RBFOX2: variants seen among roughly 807,000 people sequenced by gnomAD.
RBFOX2 encodes RNA binding fox-1 homolog 2, also known as RNA binding protein fox-1 homolog 2.
Under a neutral mutation model 49.1 loss-of-function variants are expected in RBFOX2, and 10 were observed. The ratio of observed to expected loss-of-function variants is 0.20; its 90% CI spans 0.13 to 0.35. The LOEUF (loss-of-function observed/expected upper bound fraction) is 0.35. Ranked by LOEUF, RBFOX2 falls within the 10% of genes least tolerant of loss-of-function variation. The pLI is 1.00. For synonymous variants in RBFOX2, 183 were observed against 187.4 expected (o/e 0.98, Z 0.19); for missense variants, 323 against 486.9 (o/e 0.66, Z 3.17).
At chr22:35,890,590 C>A (rs1415369580) in intron 1 of RBFOX2, among the ~76,000 whole-genome samples, 1 of 152,130 alleles carries the variant, frequency 6.6e-6, no homozygotes, top group Non-Finnish European at 1.5e-5. Flanking sequence ...CTGGAAACCA[C>A]TGAACAAATA....
At chr22:35,814,710 C>CAAAAAA (rs55971445) in intron 1 of RBFOX2, among the ~76,000 whole-genome samples, 72 of 30,800 alleles carry the variant, frequency 2.3e-3, no homozygotes, top group African/African-American at 5.3e-3. Context: ...AACCCTGTCT[C>CAAAAAA]AAAAAAAAAA....
upstream of RBFOX2, among the ~76,000 whole-genome samples, chr22:35,965,935 T>A (rs1047169280): frequency 1.3e-5 from 2 of 152,100 alleles, no homozygotes; most frequent in Non-Finnish European, 2.9e-5. Flanking sequence ...CATAACTCAA[T>A]GAATTTTCAC....
chr22:35,821,328 G>A (rs1429879574), intron 1 of RBFOX2, among the ~76,000 whole-genome samples: 2 of 152,054 alleles, frequency 1.3e-5, no homozygotes, highest in African/African-American at 2.4e-5. Context: ...CTGGCCAGGC[G>A]TGTTGGCTCA....
chr22:35,903,717 C>T (rs2048831597), intron 1 of RBFOX2, among the ~76,000 whole-genome samples: 1 of 152,164 alleles, frequency 6.6e-6, no homozygotes, highest in Non-Finnish European at 1.5e-5. Context: ...CCCCTCATCC[C>T]TCACATCCAA....
intron 2 of RBFOX2, among the ~76,000 whole-genome samples, chr22:35,796,916 A>G (rs1346602887): frequency 2.0e-5 from 3 of 152,204 alleles, no homozygotes; most frequent in Non-Finnish European, 2.9e-5. Flanking sequence ...CTTACATTTT[A>G]CCAATGGAAA....
chr22:35,750,397 A>G, intron 9 of RBFOX2: 1 of 1,530,582 alleles, frequency 6.5e-7, no homozygotes, highest in Non-Finnish European at 9.0e-7. Flanking sequence ...AAAATTAAAA[A>G]GGACATATGT....
intron 2 of RBFOX2, among the ~76,000 whole-genome samples, chr22:35,791,415 G>C (rs989745640): frequency 2.6e-5 from 4 of 151,514 alleles, no homozygotes; most frequent in African/African-American, 9.7e-5. Flanking sequence ...AAATATTTTA[G>C]GATGTCAGGT....
At chr22:35,982,589 G>A (rs1368008298) in intron 1 of RBFOX2, among the ~76,000 whole-genome samples, 2 of 152,126 alleles carry the variant, frequency 1.3e-5, no homozygotes, top group Non-Finnish European at 2.9e-5. Context: ...AGAATGAACA[G>A]GGAAGTGGGT....
At chr22:36,010,628 A>G (rs1002179515) in intron 1 of RBFOX2, among the ~76,000 whole-genome samples, 1 of 152,064 alleles carries the variant, frequency 6.6e-6, no homozygotes, top group Non-Finnish European at 1.5e-5. Context: ...ATTTTATTTC[A>G]TATCTTTAAA....
chr22:35,810,244 G>A (rs1569213787), intron 1 of RBFOX2, among the ~76,000 whole-genome samples: 4 of 149,150 alleles, frequency 2.7e-5, no homozygotes, highest in South Asian at 2.1e-4. Flanking sequence ...TTAATGTGTA[G>A]TTACTAGACA....
intron 1 of RBFOX2, among the ~76,000 whole-genome samples, chr22:35,930,156 G>T (rs921420293): frequency 2.6e-5 from 4 of 151,652 alleles, no homozygotes; most frequent in African/African-American, 9.7e-5. Context: ...AAGTAGCTGG[G>T]ATTACAGGCA....
intron 9 of RBFOX2, among the ~76,000 whole-genome samples, chr22:35,756,674 A>G (rs1239957977): frequency 1.3e-5 from 2 of 152,128 alleles, no homozygotes; most frequent in African/African-American, 4.8e-5. Context: ...TATTGTAATA[A>G]TATGTAAATG....
At chr22:35,761,557 G>A in intron 6 of RBFOX2, 89 bp from the exon 8 acceptor site, 1 of 1,422,550 alleles carries the variant, frequency 7.0e-7, no homozygotes, top group Non-Finnish European at 9.9e-7. Flanking sequence ...AGCCATCTCT[G>A]GGGCTATTTT....
intron 1 of RBFOX2, among the ~76,000 whole-genome samples, chr22:35,827,235 C>T (rs1162935946): frequency 2.6e-5 from 4 of 152,156 alleles, no homozygotes; most frequent in Non-Finnish European, 2.9e-5. Context: ...TTTCACAGTC[C>T]GGAGTGCCCC....
intron 8 of RBFOX2, 125 bp downstream of exon 9, chr22:35,761,077 T>C (rs370721027): frequency 1.8e-5 from 14 of 779,456 alleles, no homozygotes; most frequent in East Asian, 1.3e-4. Flanking sequence ...ACTGGGATAG[T>C]ATTTAATATC....
chr22:35,976,792 G>A (rs566593626), intron 1 of RBFOX2, among the ~76,000 whole-genome samples: 29 of 151,954 alleles, frequency 1.9e-4, no homozygotes, highest in African/African-American at 6.0e-4. Context: ...GCGAAACCTC[G>A]CCTCTACTAA....
chr22:35,863,449 A>T (rs915051232), intron 1 of RBFOX2, among the ~76,000 whole-genome samples: 2 of 152,170 alleles, frequency 1.3e-5, no homozygotes, highest in Non-Finnish European at 1.5e-5. Flanking sequence ...CGTTCAAAAT[A>T]AAAAGCTAAT....
At chr22:35,766,326 GACTTAT>G (rs1169179130) in intron 5 of RBFOX2, among the ~76,000 whole-genome samples, 1 of 152,126 alleles carries the variant, frequency 6.6e-6, no homozygotes, top group Non-Finnish European at 1.5e-5. Flanking sequence ...CATAGAACTT[GACTTAT>G]ACTGTGTTGT....
intron 1 of RBFOX2, among the ~76,000 whole-genome samples, chr22:35,957,229 G>A (rs1236510788): frequency 6.6e-6 from 1 of 152,162 alleles, no homozygotes; most frequent in Admixed American, 6.5e-5. Flanking sequence ...ATTGTTACAA[G>A]GATTGAGGTA....
Sources: gnomAD v4.1 joint callset for allele counts (sites outside exome capture counted in the v4.1 genomes callset) on GRCh38, gnomAD v4.1.1 for gene constraint, MANE v1.5 for transcripts, NCBI Gene and HGNC (gene_info 2026-07-23, HGNC 2026-07-21) for gene names.